The following BDNF variants were observed in gnomAD, a reference collection of about 807,000 sequenced individuals.
BDNF encodes brain derived neurotrophic factor.
BDNF carries 1 observed loss-of-function variant against 19.5 expected under a neutral mutation model. That is an observed-to-expected ratio of 0.05 (90% CI 0.02 to 0.24). The LOEUF is 0.24. Ranked by LOEUF, BDNF falls within the 10% of genes least tolerant of loss-of-function variation. The pLI, the probability that BDNF is intolerant of heterozygous loss-of-function variation, is 1.00. For synonymous variants in BDNF, 100 were observed against 121.6 expected (o/e 0.82, Z 1.17); for missense variants, 195 against 317.6 (o/e 0.61, Z 2.93).
At chr11:27,661,735 A>C (rs1044334918) in intron 1 of BDNF, among the ~76,000 whole-genome samples, 1 of 152,054 alleles carries the variant, frequency 6.6e-6, no homozygotes, top group African/African-American at 2.4e-5. Context: ...AACTTTCTCA[A>C]ACTACTCAAT....
chr11:27,712,735 G>A (rs1860381107), intron 1 of BDNF, among the ~76,000 whole-genome samples: 1 of 151,726 alleles, frequency 6.6e-6, no homozygotes, highest in Non-Finnish European at 1.5e-5. Context: ...GGCTGGTCTG[G>A]AACTCCTGAC....
intron 1 of BDNF, chr11:27,660,315 G>T: frequency 1.1e-6 from 1 of 894,444 alleles, no homozygotes; most frequent in Non-Finnish European, 1.6e-6. Context: ...CTCTCACTTT[G>T]CACGAATAGC....
chr11:27,663,531 A>G (rs1853800590), intron 1 of BDNF, among the ~76,000 whole-genome samples: 1 of 152,246 alleles, frequency 6.6e-6, no homozygotes, highest in African/African-American at 2.4e-5. Context: ...TTTGTCTAAG[A>G]GACTATAGAA....
At chr11:27,717,885 G>A (rs1391410786) in intron 1 of BDNF, among the ~76,000 whole-genome samples, 1 of 152,028 alleles carries the variant, frequency 6.6e-6, no homozygotes, top group Admixed American at 6.5e-5. Flanking sequence ...GTGTGTGTGT[G>A]TGTGTGTAGA....
rs575038322 is a variant in BDNF, at chr11:27,696,309, T to C, written c.-22+3855A>G. 7.2e-4 allele frequency: 110 copies of C among 152,324 alleles called. 2 individuals are homozygous for C. Among genetic ancestry groups the C allele is most frequent in the African/African-American group, 2.6e-3 (107 of 41,578 alleles). The allele number at this position is 152,324 out of a possible 1,614,324, so 9.4% of individuals were successfully genotyped here. On this transcript the variant is annotated intron_variant, in intron 1 of 1. Coordinates refer to ENST00000356660, the MANE Select transcript of BDNF (RefSeq NM_001709.5). ...ATACCACATGCAAATAACATACGGA[T>C]TTCATTTGCCAGCATCATTTATTGC...
upstream of BDNF, chr11:27,701,671 C>A: frequency 1.0e-6 from 1 of 962,280 alleles, no homozygotes; most frequent in Non-Finnish European, 1.2e-6. Flanking sequence ...CCTTGACGTG[C>A]GCTGTCATAT....
chr11:27,699,376 A>C, intron 1 of BDNF: 1 of 1,613,504 alleles, frequency 6.2e-7, no homozygotes. Flanking sequence ...GGAGTAACTC[A>C]CTCACCCATT....
chr11:27,672,514 C>T (rs1349468641), intron 1 of BDNF, among the ~76,000 whole-genome samples: 2 of 152,180 alleles, frequency 1.3e-5, no homozygotes, highest in Non-Finnish European at 2.9e-5. Context: ...TATTTCTAGA[C>T]TTGTCCTGAA....
At chr11:27,711,948 T>A (rs779897974) in intron 1 of BDNF, among the ~76,000 whole-genome samples, 4 of 152,172 alleles carry the variant, frequency 2.6e-5, no homozygotes, top group Non-Finnish European at 5.9e-5. Context: ...GAGTGATGGA[T>A]TGCTAGGGTA....
chr11:27,658,713 A>T lies in BDNF; in HGVS notation c.-21-128T>A. ...GTCAAGGTTTTTTTATGTCTTGGTGATAAACTCCAGCTGCACCAGACACAA... is the reference window on the plus strand; with the variant it reads ...GTCAAGGTTTTTTTATGTCTTGGTGTTAAACTCCAGCTGCACCAGACACAA... On this transcript the variant is annotated intron_variant, in intron 1 of 1. Coordinates refer to ENST00000356660, the MANE Select transcript of BDNF (RefSeq NM_001709.5). This position sits in a 1 kb window ranked among gnomAD's most constrained non-coding sequence, Gnocchi z 5.7. The T allele has an allele frequency of 6.4e-7, 1 of 1,568,620 alleles. No individual in the cohort carries two copies. Among genetic ancestry groups the T allele is most frequent in the South Asian group, 1.2e-5 (1 of 85,210 alleles).
intron 1 of BDNF, among the ~76,000 whole-genome samples, chr11:27,666,609 C>T (rs939092665): frequency 7.2e-5 from 11 of 152,142 alleles, no homozygotes; most frequent in Non-Finnish European, 1.5e-4. Context: ...AAAACCATGG[C>T]ACGAGAACTA....
intron 1 of BDNF, among the ~76,000 whole-genome samples, chr11:27,665,922 G>A (rs1854230446): frequency 6.6e-6 from 1 of 152,114 alleles, no homozygotes; most frequent in African/African-American, 2.4e-5. Flanking sequence ...AAGAGTAGGG[G>A]TCCTCCCAGC....
At position 27,657,061 on chromosome 11, in the gene BDNF, G is replaced by A. The variant is rs1367369336; in HGVS notation, c.*760C>T. On this transcript the variant is annotated 3_prime_UTR_variant, in exon 2 of 2. Transcript: ENST00000356660. The surrounding 1 kb of genome is among the most constrained non-coding windows in gnomAD (Gnocchi z 5.0). The stretch of plus-strand genomic sequence containing the variant: ...GAGCGGGGCCTGGGAGGTGCATCAC[G>A]GGATGTGGAGTGTGAGCATTTTTTT... The A allele has an allele frequency of 4.1e-6, 4 of 985,486 alleles. No individual in the cohort carries two copies. The highest frequency in any genetic ancestry group is 1.7e-5 in the African/African-American group (1 of 57,312). 61.0% of individuals were successfully genotyped at this position (985,486 alleles called of 1,614,324 possible).
At chr11:27,695,842 A>C (rs2134048921) in intron 1 of BDNF, among the ~76,000 whole-genome samples, 1 of 152,096 alleles carries the variant, frequency 6.6e-6, no homozygotes, top group Middle Eastern at 3.4e-3. Context: ...ATATTTGATA[A>C]GATTTGTCTC....
intron 1 of BDNF, among the ~76,000 whole-genome samples, chr11:27,672,190 A>G (rs1351721266): frequency 6.6e-6 from 1 of 152,196 alleles, no homozygotes. Context: ...ACTTATAAAC[A>G]TGATTAGTTC....
At chr11:27,684,626 T>C (rs1857251604) in intron 1 of BDNF, among the ~76,000 whole-genome samples, 1 of 152,246 alleles carries the variant, frequency 6.6e-6, no homozygotes, top group Admixed American at 6.5e-5. Flanking sequence ...TTGAATTTTA[T>C]GAAAGGCCTT....
chr11:27,670,017 G>T (rs1855076226), intron 1 of BDNF, among the ~76,000 whole-genome samples: 1 of 152,090 alleles, frequency 6.6e-6, no homozygotes, highest in South Asian at 2.1e-4. Flanking sequence ...TATATTACAA[G>T]GCTACAGTAA....
chr11:27,679,245 T>C (rs1333230665), intron 1 of BDNF, among the ~76,000 whole-genome samples: 2 of 152,186 alleles, frequency 1.3e-5, no homozygotes, highest in African/African-American at 4.8e-5. Context: ...TAATGTCCTC[T>C]CACTTCTAGC....
chr11:27,714,030 G>A (rs1860431194), intron 1 of BDNF, among the ~76,000 whole-genome samples: 1 of 152,222 alleles, frequency 6.6e-6, no homozygotes, highest in Admixed American at 6.5e-5. Context: ...TAGTGCATCA[G>A]AAGTTATTTT....
Sources: allele counts gnomAD v4.1 joint callset (sites outside exome capture counted in the v4.1 genomes callset), GRCh38; gene constraint gnomAD v4.1.1; non-coding constraint Gnocchi (gnomAD v3.1); transcripts MANE v1.5; gene names NCBI Gene and HGNC (gene_info 2026-07-23, HGNC 2026-07-21).